The following CARMIL1 variants were observed in gnomAD, a reference collection of about 807,000 sequenced individuals.
The protein encoded by CARMIL1 is F-actin-uncapping protein LRRC16A.
In CARMIL1, 90 loss-of-function variants were observed where a neutral mutation model predicts 177.1. That is an observed-to-expected ratio of 0.51 (90% CI 0.43 to 0.61). CARMIL1 has a LOEUF of 0.61. Among genes scored for constraint, CARMIL1 ranks in the 20% least tolerant of loss-of-function variants. The probability of loss-of-function intolerance (pLI) is 0.00; values close to 1 mark genes in which losing one functional copy is unlikely to be tolerated. For synonymous variants in CARMIL1, 577 were observed against 606.2 expected (o/e 0.95, Z 0.71); for missense variants, 1,380 against 1,667.0 (o/e 0.83, Z 3.00).
chr6:25,392,138 T>C (rs1438160220), intron 2 of CARMIL1, among the ~76,000 whole-genome samples: 3 of 151,122 alleles, frequency 2.0e-5, no homozygotes, highest in African/African-American at 7.3e-5. Context: ...ACCTGTGCCA[T>C]ACATACATTG....
rs367966529 is a variant in CARMIL1, at chr6:25,610,031, C to A, written c.3848-19C>A. The A allele has an allele frequency of 6.2e-7, 1 of 1,607,772 alleles. No homozygotes were observed. Among genetic ancestry groups the A allele is most frequent in the South Asian group, 1.1e-5 (1 of 89,858 alleles). ...CCAGTTTGTGGAACAGTTTGATTCA[C>A]GTGTTTGTGTCTCCTTAGATGACAT... On this transcript the variant is annotated intron_variant, in intron 35 of 36. Transcript: ENST00000329474.
At chr6:25,518,396 C>A (rs1265965861) in intron 22 of CARMIL1, among the ~76,000 whole-genome samples, 2 of 152,174 alleles carry the variant, frequency 1.3e-5, no homozygotes, top group Non-Finnish European at 2.9e-5. Flanking sequence ...CCTTCCATTT[C>A]TAAATCCTGT....
chr6:25,459,032 T>TTTATG (rs1481041629), intron 8 of CARMIL1, among the ~76,000 whole-genome samples: 2 of 151,856 alleles, frequency 1.3e-5, no homozygotes, highest in Admixed American at 1.3e-4. Context: ...TTACAGAAAA[T>TTTATG]TTTGGATTTC....
chr6:25,410,041 C>G (rs1290846527), intron 2 of CARMIL1, among the ~76,000 whole-genome samples: 2 of 152,050 alleles, frequency 1.3e-5, no homozygotes, highest in East Asian at 1.9e-4. Flanking sequence ...GACTATTTCT[C>G]TGATTATATA....
At chr6:25,404,538 C>A (rs1794182847) in intron 2 of CARMIL1, among the ~76,000 whole-genome samples, 1 of 152,096 alleles carries the variant, frequency 6.6e-6, no homozygotes, top group Non-Finnish European at 1.5e-5. Flanking sequence ...GGGCGGATCA[C>A]CTGAGGTCGG....
At chr6:25,351,002 G>A (rs548705417) in intron 2 of CARMIL1, among the ~76,000 whole-genome samples, 3 of 152,250 alleles carry the variant, frequency 2.0e-5, no homozygotes, top group South Asian at 2.1e-4. Flanking sequence ...GCATAGAAAC[G>A]AGAGTAGAGC....
chr6:25,458,467 C>G (rs1454798455), intron 8 of CARMIL1, among the ~76,000 whole-genome samples: 2 of 108,334 alleles, frequency 1.8e-5, no homozygotes, highest in South Asian at 6.5e-4. Context: ...GCCTGGGTGA[C>G]AGAGCGAGAC....
intron 2 of CARMIL1, among the ~76,000 whole-genome samples, chr6:25,364,885 G>A (rs1789609145): frequency 6.6e-6 from 1 of 152,102 alleles, no homozygotes; most frequent in Non-Finnish European, 1.5e-5. Flanking sequence ...AGAGTACAGT[G>A]TCATGCCCAA....
intron 2 of CARMIL1, among the ~76,000 whole-genome samples, chr6:25,347,287 G>A (rs1787616551): frequency 6.6e-6 from 1 of 152,138 alleles, no homozygotes; most frequent in South Asian, 2.1e-4. Flanking sequence ...GCAATTGAAT[G>A]GCAGTTTCTC....
intron 23 of CARMIL1, among the ~76,000 whole-genome samples, chr6:25,527,193 T>G (rs1807239646): frequency 6.6e-6 from 1 of 152,204 alleles, no homozygotes; most frequent in Admixed American, 6.5e-5. Context: ...GGAAGTGGGT[T>G]TTTTTGTCCT....
intron 11 of CARMIL1, among the ~76,000 whole-genome samples, chr6:25,477,340 A>AG (rs2150957695): frequency 6.6e-6 from 1 of 152,074 alleles, no homozygotes; most frequent in Non-Finnish European, 1.5e-5. Context: ...CTGATTGCTG[A>AG]GGGGGTTGTG....
intron 15 of CARMIL1, among the ~76,000 whole-genome samples, chr6:25,492,868 T>C (rs935751471): frequency 1.3e-5 from 2 of 152,212 alleles, no homozygotes; most frequent in African/African-American, 4.8e-5. Context: ...AAAGTACTAT[T>C]TTTTATTACT....
At chr6:25,550,822 G>T in intron 26 of CARMIL1, 88 bp from the exon 27 acceptor site, 1 of 1,212,352 alleles carries the variant, frequency 8.2e-7, no homozygotes, top group Non-Finnish European at 1.2e-6. Flanking sequence ...TGAGGGCTCC[G>T]TGTCATATAT....
intron 2 of CARMIL1, among the ~76,000 whole-genome samples, chr6:25,328,708 C>A (rs1459406159): frequency 6.6e-6 from 1 of 152,108 alleles, no homozygotes; most frequent in Non-Finnish European, 1.5e-5. Context: ...CTCAGAGCCT[C>A]CATTTGCCTC....
intron 36 of CARMIL1, among the ~76,000 whole-genome samples, chr6:25,613,398 C>A (rs1816653931): frequency 6.6e-6 from 1 of 152,116 alleles, no homozygotes; most frequent in South Asian, 2.1e-4. Flanking sequence ...ATTTTATCAC[C>A]CTTTAGTAAG....
chr6:25,360,401 T>C (rs1414876398), intron 2 of CARMIL1, among the ~76,000 whole-genome samples: 2 of 152,220 alleles, frequency 1.3e-5, no homozygotes, highest in African/African-American at 2.4e-5. Flanking sequence ...AAGAAAACTT[T>C]CATAGACAGT....
intron 26 of CARMIL1, among the ~76,000 whole-genome samples, chr6:25,545,072 A>G (rs568863493): frequency 6.8e-4 from 104 of 152,306 alleles, no homozygotes; most frequent in African/African-American, 2.4e-3. Context: ...AGATATTCCT[A>G]TCATCTCAAA....
rs867113504 is a variant in CARMIL1, at chr6:25,586,287, T to C, written c.3006+4848T>C. Among the ~76,000 whole-genome samples, 1,052 of 134,246 alleles carry C rather than the reference T, an allele frequency of 7.8e-3. 15 individuals carry two copies. Among genetic ancestry groups the C allele is most frequent in the African/African-American group, 0.026 (871 of 33,474 alleles). 88.1% of individuals were successfully genotyped at this position (134,246 alleles called of 152,430 possible). On this transcript the variant is annotated intron_variant, in intron 31 of 36. Transcript: ENST00000329474. ...CTCACCTCCCAGACGGGGTGGCGGT[T>C]GGGCAGAGACACTCCTCAGTTCCCA... is the stretch of plus-strand genomic sequence containing the variant.
chr6:25,592,935 GA>G (rs1260467546), intron 31 of CARMIL1, among the ~76,000 whole-genome samples: 1 of 152,128 alleles, frequency 6.6e-6, no homozygotes, highest in Non-Finnish European at 1.5e-5. Context: ...TCAAGCATCT[GA>G]CTAAGCTTAC....
Sources: gnomAD v4.1 joint callset for allele counts (sites outside exome capture counted in the v4.1 genomes callset) on GRCh38, gnomAD v4.1.1 for gene constraint, MANE v1.5 for transcripts, NCBI Gene and HGNC (gene_info 2026-07-23, HGNC 2026-07-21) for gene names.